Variants in MYLK4 observed in about 807,000 individuals in gnomAD.
MYLK4 encodes myosin light chain kinase family member 4, also known as caMLCK like.
Under a neutral mutation model 48.1 loss-of-function variants are expected in MYLK4, and 46 were observed. That is an observed-to-expected ratio of 0.96 (90% CI 0.75 to 1.22). MYLK4 has a LOEUF of 1.22. Among genes scored for constraint, MYLK4 ranks in the 50% most tolerant of loss-of-function variants. MYLK4 has a pLI of 0.00. For missense variants in MYLK4, 451 were observed against 486.1 expected, an observed-to-expected ratio of 0.93 and a Z score of 0.68; for synonymous variants, 170 against 180.8, an observed-to-expected ratio of 0.94 and a Z score of 0.48.
At chr6:2,700,072 C>A (rs1224961263) in intron 2 of MYLK4, among the ~76,000 whole-genome samples, 1 of 152,162 alleles carries the variant, frequency 6.6e-6, no homozygotes, top group Non-Finnish European at 1.5e-5. Context: ...TGTGCTGACA[C>A]CTTATAATGA....
At chr6:2,703,665 CTTTTTTTTTTTTT>C (rs3055234) in intron 2 of MYLK4, among the ~76,000 whole-genome samples, 43 of 95,120 alleles carry the variant, frequency 4.5e-4, no homozygotes, top group African/African-American at 1.6e-3. Context: ...TTTGTGAATT[CTTTTTTTTTTTTT>C]TTTTTTTTTT....
At chr6:2,770,108 T>C in the MYLK4 span, 1 of 1,613,694 alleles carries the variant, frequency 6.2e-7, no homozygotes. Flanking sequence ...TCTGTTTTCC[T>C]CCCATGATTA....
At chr6:2,741,654 A>G (rs1763904324) in intron 2 of MYLK4, among the ~76,000 whole-genome samples, 1 of 152,248 alleles carries the variant, frequency 6.6e-6, no homozygotes, top group African/African-American at 2.4e-5. Context: ...GCTTGTAGAT[A>G]TTTCAAAGAC....
intron 7 of MYLK4, chr6:2,680,521 T>A (rs1163751554): frequency 1.0e-6 from 1 of 985,304 alleles, no homozygotes; most frequent in East Asian, 1.1e-4. Context: ...GGCTTCACAG[T>A]TCACCATAAT....
At chr6:2,750,136 T>G (rs1764241253) in intron 1 of MYLK4, among the ~76,000 whole-genome samples, 2 of 152,330 alleles carry the variant, frequency 1.3e-5, no homozygotes, top group South Asian at 2.1e-4. Flanking sequence ...GAGAGACATT[T>G]GAATTTGTGC....
At chr6:2,766,157 G>C in the MYLK4 span, 103 of 1,332,224 alleles carry the variant, frequency 7.7e-5, no homozygotes, top group Non-Finnish European at 9.4e-5. Context: ...CGGGGACGCG[G>C]ACGCGGACGG....
intron 11 of MYLK4, among the ~76,000 whole-genome samples, chr6:2,674,021 G>A (rs1320338944): frequency 6.6e-6 from 1 of 152,226 alleles, no homozygotes; most frequent in Non-Finnish European, 1.5e-5. Flanking sequence ...GCAAGGGGCA[G>A]GGAGATGAGA....
At chr6:2,683,222 C>T (rs569714620) in intron 6 of MYLK4, 60 bp from the exon 7 acceptor site, 4 of 1,590,764 alleles carry the variant, frequency 2.5e-6, no homozygotes, top group Middle Eastern at 1.7e-4. Flanking sequence ...ATGTGCTTTT[C>T]TCGTAGTGAC....
rs1760536603 is a variant in MYLK4 at position 2,663,780 on chromosome 6, C to G, written c.*4145G>C. The G allele has an allele frequency of 6.6e-6, 1 of 152,560 alleles. No homozygotes were observed. The highest frequency in any genetic ancestry group is 2.4e-5 in the African/African-American group (1 of 41,392). The allele number at this position is 152,560 out of a possible 1,614,324, so 9.5% of individuals were successfully genotyped here. A position where few individuals can be genotyped will look rare whatever the true frequency, so the allele number is the denominator to read the frequency against. On this transcript the variant is annotated 3_prime_UTR_variant, in exon 13 of 13. Coordinates refer to ENST00000274643, the MANE Select transcript of MYLK4 (RefSeq NM_001012418.5). ...TAGACACAATCACCACGTTATGAATCCTTTTTTTAATTTCTTATCAACACC... is the reference window on the plus strand; with the variant it reads ...TAGACACAATCACCACGTTATGAATGCTTTTTTTAATTTCTTATCAACACC...
At chr6:2,680,694 G>A (rs1348193799) in intron 7 of MYLK4, 7 of 531,212 alleles carry the variant, frequency 1.3e-5, no homozygotes, top group Non-Finnish European at 1.4e-5. Flanking sequence ...AGATTGATGA[G>A]TTCCAAGGGA....
At chr6:2,679,458 G>T (rs375961674) in intron 8 of MYLK4, 50 bp from the exon 9 acceptor site, 3 of 1,608,738 alleles carry the variant, frequency 1.9e-6, no homozygotes, top group Non-Finnish European at 2.6e-6. Context: ...ATCAAAAATC[G>T]TGAACACTGA....
At chr6:2,675,771 A>G (rs1761056329) in intron 10 of MYLK4, among the ~76,000 whole-genome samples, 1 of 152,236 alleles carries the variant, frequency 6.6e-6, no homozygotes, top group Non-Finnish European at 1.5e-5. Context: ...GCTAACATTT[A>G]TCACATTAAA....
At chr6:2,764,082 A>G in the MYLK4 span, among the ~76,000 whole-genome samples, 1 of 152,342 alleles carries the variant, frequency 6.6e-6, no homozygotes, top group Admixed American at 6.5e-5. Context: ...CCGTGAGCTG[A>G]GATTGCGCCA....
chr6:2,749,408 T>A lies in MYLK4; in HGVS notation c.-112-2A>T, dbSNP rs1764210633. The A allele has an allele frequency of 1.3e-6, 1 of 787,684 alleles. No homozygotes were observed. The highest frequency in any genetic ancestry group is 2.0e-6 in the Non-Finnish European group (1 of 507,308). 48.8% of individuals were successfully genotyped at this position (787,684 alleles called of 1,614,324 possible). ...CTCTTCAGTGCTTCTTTCTCTTGAC[T>A]GCAAAGAAAGGAAACACAAAAAGTT... On this transcript the variant is annotated splice_acceptor_variant, in intron 1 of 12. Transcript: ENST00000274643. LOFTEE classifies it low-confidence loss of function (5UTR_SPLICE).
In MYLK4 at chr6:2,747,165, A is replaced by G. The variant is rs181292049; in HGVS notation, c.159+1971T>C. The stretch of plus-strand genomic sequence containing the variant: ...AGGAGGCCCAAGTTACAGAAGGGAT[A>G]TGAGACTTACTATAAAGGACATTCT... On this transcript the variant is annotated intron_variant, in intron 2 of 12. Transcript: ENST00000274643. Among the ~76,000 whole-genome samples the G allele has an allele frequency of 7.7e-4, 117 of 152,324 alleles. 2 individuals carry two copies. Among genetic ancestry groups the G allele is most frequent in the South Asian group, 4.3e-3 (21 of 4,828 alleles).
intron 7 of MYLK4, among the ~76,000 whole-genome samples, chr6:2,682,193 A>G (rs1347702108): frequency 1.3e-5 from 2 of 152,252 alleles, no homozygotes; most frequent in Non-Finnish European, 2.9e-5. Context: ...TATAGATTGT[A>G]TATTTTATGT....
At chr6:2,683,316 T>C (rs1761389963) in intron 6 of MYLK4, among the ~76,000 whole-genome samples, 154 bp from the exon 7 acceptor site, 1 of 152,152 alleles carries the variant, frequency 6.6e-6, no homozygotes, top group South Asian at 2.1e-4. Flanking sequence ...CTTAGATGAT[T>C]CTTATCTTGA....
chr6:2,753,258 C>G (rs999928192), upstream of MYLK4, among the ~76,000 whole-genome samples: 4 of 152,292 alleles, frequency 2.6e-5, no homozygotes, highest in African/African-American at 9.6e-5. Context: ...CATGAAGAAA[C>G]ATCGTCGACA....
chr6:2,701,666 A>T (rs1762284567), intron 2 of MYLK4, among the ~76,000 whole-genome samples: 1 of 152,208 alleles, frequency 6.6e-6, no homozygotes, highest in African/African-American at 2.4e-5. Flanking sequence ...ATCAGTTATG[A>T]CTGTCCCCAA....
Sources: allele counts gnomAD v4.1 joint callset (sites outside exome capture counted in the v4.1 genomes callset), GRCh38; gene constraint gnomAD v4.1.1; transcripts MANE v1.5; gene names NCBI Gene and HGNC (gene_info 2026-07-23, HGNC 2026-07-21).